MDGA2: variants seen among roughly 807,000 people sequenced by gnomAD.
MDGA2 encodes the protein MAM domain-containing glycosylphosphatidylinositol anchor protein 2.
Under a neutral mutation model 117.8 loss-of-function variants are expected in MDGA2, and 40 were observed. That is an observed-to-expected ratio of 0.34 (90% CI 0.26 to 0.44). The LOEUF is 0.44. Ranked by LOEUF, MDGA2 falls within the 20% of genes least tolerant of loss-of-function variation. MDGA2 has a pLI of 1.00. For synonymous variants in MDGA2, 452 were observed against 439.0 expected (o/e 1.03, Z -0.37); for missense variants, 1,123 against 1,250.6 (o/e 0.90, Z 1.54).
chr14:46,842,510 C>A (rs768475250), intron 16 of MDGA2, among the ~76,000 whole-genome samples: 3 of 152,102 alleles, frequency 2.0e-5, no homozygotes, highest in Non-Finnish European at 4.4e-5. Flanking sequence ...ATGTTTAGAT[C>A]GGTCCATTAT....
chr14:47,045,616 T>C (rs1223271568), intron 7 of MDGA2, among the ~76,000 whole-genome samples: 2 of 152,046 alleles, frequency 1.3e-5, no homozygotes, highest in African/African-American at 2.4e-5. Context: ...ATGTATTAGA[T>C]TGAGAATGTT....
rs1309841813 is a variant in MDGA2 at position 46,855,121 on chromosome 14, T to A, written c.2786A>T (p.Gln929Leu). Reference protein sequence around the residue: ...VLNVYLRLKGQTTIENPLWSS... With the variant: ...VLNVYLRLKGLTTIENPLWSS... ...CCACAGTGGATTCTCTATTGTTGTT[T>A]GCCCTTTCAAACGTAGATAAACATT... Residue 929 changes from glutamine to leucine, a missense_variant, in exon 15 of 17, where the codon CAA (glutamine) becomes CTA (leucine). Around this residue, in one of 2 missense-constraint regions of MDGA2, gnomAD observed 890 missense variants for 1,050.3 expected, o/e 0.85. Coordinates refer to ENST00000399232, the MANE Select transcript of MDGA2 (RefSeq NM_001113498.3). This position sits in a 1 kb window ranked among gnomAD's most constrained non-coding sequence, Gnocchi z 4.1. 1 of 1,610,354 alleles carries A rather than the reference T, an allele frequency of 6.2e-7. No individual in the cohort carries two copies. Among genetic ancestry groups the A allele is most frequent in the African/African-American group, 1.3e-5 (1 of 74,708 alleles).
At chr14:47,223,418 C>T (rs1473360325) in intron 2 of MDGA2, among the ~76,000 whole-genome samples, 2 of 152,126 alleles carry the variant, frequency 1.3e-5, no homozygotes, top group African/African-American at 4.8e-5. Flanking sequence ...TTGGTTTGGG[C>T]TGTATCGTAA....
intron 2 of MDGA2, among the ~76,000 whole-genome samples, chr14:47,281,115 T>C (rs1888475007): frequency 6.7e-6 from 1 of 149,812 alleles, no homozygotes; most frequent in South Asian, 2.1e-4. Flanking sequence ...GAAATAATAA[T>C]TTAATGTAAT....
chr14:47,571,452 C>A (rs927124007), intron 1 of MDGA2, among the ~76,000 whole-genome samples: 4 of 152,106 alleles, frequency 2.6e-5, no homozygotes, highest in Non-Finnish European at 1.5e-5. Flanking sequence ...GTCACATGCA[C>A]ACGTATATTT....
intron 14 of MDGA2, among the ~76,000 whole-genome samples, chr14:46,864,823 G>A (rs560871566): frequency 6.6e-6 from 1 of 151,968 alleles, no homozygotes; most frequent in East Asian, 1.9e-4. Flanking sequence ...GAACACTAAG[G>A]AGCCTTATCT....
At chr14:47,470,771 C>T (rs975938112) in intron 1 of MDGA2, among the ~76,000 whole-genome samples, 7 of 152,014 alleles carry the variant, frequency 4.6e-5, no homozygotes, top group African/African-American at 1.7e-4. Context: ...GATTACCCAC[C>T]ATTTCTGTCA....
rs145565965 is a variant in MDGA2 at position 47,497,579 on chromosome 14, C to T, written c.280+176938G>A. 2.4e-3 allele frequency among the ~76,000 whole-genome samples: 370 copies of T among 152,204 alleles called. 2 individuals carry two copies. Among genetic ancestry groups the T allele is most frequent in the African/African-American group, 8.5e-3 (352 of 41,554 alleles). On this transcript the variant is annotated intron_variant, in intron 1 of 16. Coordinates refer to ENST00000399232, the MANE Select transcript of MDGA2 (RefSeq NM_001113498.3). ...GGCCAATATTGAGTCTTTTAATATA[C>T]AAATTCAGTTAATAGACTCGTTAAA... is the stretch of plus-strand genomic sequence containing the variant.
chr14:47,155,938 G>T (rs1883367159), intron 3 of MDGA2, among the ~76,000 whole-genome samples: 1 of 69,422 alleles, frequency 1.4e-5, no homozygotes, highest in Non-Finnish European at 2.7e-5. Context: ...TTTTGAGACA[G>T]AGTCTCTGTC....
At chr14:46,844,347 A>T (rs1203415154) in intron 16 of MDGA2, among the ~76,000 whole-genome samples, 1 of 152,132 alleles carries the variant, frequency 6.6e-6, no homozygotes, top group African/African-American at 2.4e-5. Flanking sequence ...TGGGAGGCCG[A>T]GGCAGGTGGA....
At chr14:46,933,234 C>A (rs1212369664) in intron 9 of MDGA2, among the ~76,000 whole-genome samples, 3 of 151,884 alleles carry the variant, frequency 2.0e-5, no homozygotes, top group Non-Finnish European at 2.9e-5. Flanking sequence ...GAGTAGAGTT[C>A]TGTCATAGAA....
At chr14:47,575,056 A>G (rs1371133606) in intron 1 of MDGA2, among the ~76,000 whole-genome samples, 1 of 152,078 alleles carries the variant, frequency 6.6e-6, no homozygotes, top group Non-Finnish European at 1.5e-5. Flanking sequence ...TTTTTGGAAC[A>G]CCCATGGCTT....
intron 1 of MDGA2, among the ~76,000 whole-genome samples, chr14:47,496,782 A>AT (rs1894290368): frequency 1.3e-5 from 2 of 150,458 alleles, no homozygotes; most frequent in Admixed American, 1.3e-4. Context: ...TAATATATAT[A>AT]ATATATTATA....
At chr14:47,040,130 T>C (rs1324497158) in intron 7 of MDGA2, among the ~76,000 whole-genome samples, 1 of 152,188 alleles carries the variant, frequency 6.6e-6, no homozygotes, top group African/African-American at 2.4e-5. Flanking sequence ...TGTTACCATC[T>C]AGCATACCAT....
chr14:47,389,944 G>C (rs1891855426), intron 1 of MDGA2, among the ~76,000 whole-genome samples: 1 of 152,142 alleles, frequency 6.6e-6, no homozygotes, highest in South Asian at 2.1e-4. Context: ...CTCTCAGACA[G>C]AAACAATGCA....
chr14:47,488,033 T>G (rs752098320), intron 1 of MDGA2, among the ~76,000 whole-genome samples: 25 of 152,164 alleles, frequency 1.6e-4, no homozygotes, highest in Non-Finnish European at 2.9e-4. Flanking sequence ...TAGGAACTAT[T>G]TAATGCTACA....
intron 1 of MDGA2, chr14:47,444,142 A>G (rs907803682): frequency 2.8e-5 from 6 of 217,004 alleles, no homozygotes; most frequent in Non-Finnish European, 5.8e-5. Context: ...CCTACTGTGC[A>G]CTTTCATCTT....
At chr14:46,975,548 G>A (rs1250501389) in intron 8 of MDGA2, among the ~76,000 whole-genome samples, 1 of 152,054 alleles carries the variant, frequency 6.6e-6, no homozygotes, top group African/African-American at 2.4e-5. Context: ...CTACAACATG[G>A]ATGAACTTTG....
intron 3 of MDGA2, among the ~76,000 whole-genome samples, chr14:47,166,184 T>C (rs113741576): frequency 0.084 from 12,816 of 151,838 alleles, 609 homozygotes; most frequent in Non-Finnish European, 0.09. Context: ...TACAGATGCA[T>C]GCCACCAGGC....
Sources: allele counts gnomAD v4.1 joint callset (sites outside exome capture counted in the v4.1 genomes callset), GRCh38; gene constraint gnomAD v4.1.1; regional missense constraint gnomAD v4.1.1; non-coding constraint Gnocchi (gnomAD v3.1); transcripts MANE v1.5; gene names NCBI Gene and HGNC (gene_info 2026-07-23, HGNC 2026-07-21).